PBRM1: variants seen among roughly 807,000 people sequenced by gnomAD.
PBRM1 encodes the protein protein polybromo-1.
A neutral mutation model predicts 194.5 loss-of-function variants in PBRM1; 27 were observed. The observed-to-expected ratio is 0.14, with a 90% CI of 0.10 to 0.19. PBRM1 has a LOEUF of 0.19. PBRM1 is among the 10% of genes least tolerant of loss of function. The pLI is 1.00. For missense variants in PBRM1, 1,466 were observed against 2,077.2 expected, an observed-to-expected ratio of 0.71 and a Z score of 5.72; for synonymous variants, 655 against 693.2, an observed-to-expected ratio of 0.94 and a Z score of 0.87.
At chr3:52,573,209 A>G (rs2088041518) in intron 22 of PBRM1, among the ~76,000 whole-genome samples, 1 of 152,148 alleles carries the variant, frequency 6.6e-6, no homozygotes, top group Non-Finnish European at 1.5e-5. Flanking sequence ...TCTTTCTTCC[A>G]GGGTCATGTT....
intron 3 of PBRM1, among the ~76,000 whole-genome samples, chr3:52,666,568 A>G (rs536453433): frequency 3.5e-4 from 53 of 151,356 alleles, no homozygotes; most frequent in African/African-American, 1.3e-3. Flanking sequence ...AGGGTCAAGT[A>G]TAATTAACCT....
At chr3:52,679,473 A>G (rs1348997331) in intron 1 of PBRM1, 101 bp downstream of exon 2, 1 of 1,048,180 alleles carries the variant, frequency 9.5e-7, no homozygotes, top group African/African-American at 1.6e-5. Context: ...AGAATCTTAA[A>G]AAAGTGGAGA....
chr3:52,634,033 C>T (rs1361429833), intron 11 of PBRM1, among the ~76,000 whole-genome samples: 1 of 152,120 alleles, frequency 6.6e-6, no homozygotes, highest in Non-Finnish European at 1.5e-5. Context: ...TATGCTTATC[C>T]TGGGGTTTCA....
At chr3:52,665,108 T>C (rs1578012024) in intron 3 of PBRM1, among the ~76,000 whole-genome samples, 1 of 152,074 alleles carries the variant, frequency 6.6e-6, no homozygotes, top group South Asian at 2.1e-4. Flanking sequence ...GAATGAAGAA[T>C]AAAGAAAGTA....
chr3:52,589,581 T>C (rs1445000002), intron 17 of PBRM1, among the ~76,000 whole-genome samples: 1 of 152,224 alleles, frequency 6.6e-6, no homozygotes, highest in African/African-American at 2.4e-5. Context: ...AGTACGTATG[T>C]CGTTTCGAAT....
intron 18 of PBRM1, 66 bp downstream of exon 20, chr3:52,589,004 G>T: frequency 8.5e-7 from 1 of 1,176,908 alleles, no homozygotes; most frequent in Non-Finnish European, 1.2e-6. Context: ...TTTCTTCCCT[G>T]AGGAGCAAGG....
upstream of PBRM1, among the ~76,000 whole-genome samples, chr3:52,683,681 G>T (rs2097254233): frequency 1.3e-5 from 2 of 151,874 alleles, no homozygotes; most frequent in Admixed American, 6.6e-5. Flanking sequence ...TAGGCAAGGT[G>T]GTGGCATGCA....
chr3:52,681,709 C>T, upstream of PBRM1: 3 of 1,015,170 alleles, frequency 3.0e-6, no homozygotes, highest in Non-Finnish European at 3.5e-6. Flanking sequence ...TTTACCAGAG[C>T]ACAACCAGCG....
intron 16 of PBRM1, among the ~76,000 whole-genome samples, chr3:52,604,909 G>T (rs191369259): frequency 1.3e-5 from 2 of 151,742 alleles, no homozygotes; most frequent in African/African-American, 4.8e-5. Context: ...AGCCAAGATC[G>T]CGCCGCTGCA....
intron 3 of PBRM1, among the ~76,000 whole-genome samples, chr3:52,664,756 G>A (rs185756910): frequency 3.4e-4 from 51 of 151,630 alleles, no homozygotes; most frequent in African/African-American, 1.2e-3. Flanking sequence ...AAAAAAAAAG[G>A]AAACACAGAC....
At chr3:52,582,706 T>C (rs960433998) in intron 20 of PBRM1, among the ~76,000 whole-genome samples, 9 of 152,108 alleles carry the variant, frequency 5.9e-5, no homozygotes, top group African/African-American at 1.9e-4. Context: ...AATCACATTC[T>C]TTCCCAGCCC....
intron 15 of PBRM1, among the ~76,000 whole-genome samples, chr3:52,614,860 T>TG (rs1389839283): frequency 1.3e-5 from 2 of 152,158 alleles, no homozygotes; most frequent in African/African-American, 4.8e-5. Context: ...CATGAGTCAC[T>TG]GTTCCTGGCC....
intron 25 of PBRM1, among the ~76,000 whole-genome samples, chr3:52,559,109 G>A (rs1193051013): frequency 1.3e-5 from 2 of 152,172 alleles, no homozygotes; most frequent in African/African-American, 4.8e-5. Context: ...AAACACGTAT[G>A]TAGCAATGGA....
chr3:52,642,483 G>C (rs778387772), intron 9 of PBRM1, among the ~76,000 whole-genome samples: 12 of 151,816 alleles, frequency 7.9e-5, no homozygotes, highest in Non-Finnish European at 1.8e-4. Context: ...GGGTGTGGTA[G>C]TAGGCACCTG....
chr3:52,596,082 C>G (rs2153223201), intron 17 of PBRM1, among the ~76,000 whole-genome samples: 1 of 152,206 alleles, frequency 6.6e-6, no homozygotes, highest in South Asian at 2.1e-4. Context: ...AACGTGATTC[C>G]TCCAGTTTTC....
chr3:52,591,511 G>GTTTTTTTTTTTTTTTTT (rs57736913), intron 17 of PBRM1, among the ~76,000 whole-genome samples: 1 of 71,850 alleles, frequency 1.4e-5, no homozygotes, highest in Non-Finnish European at 2.5e-5. Context: ...TTTTGTCTTT[G>GTTTTTTTTTTTTTTTTT]TTTTTTTTTT....
intron 11 of PBRM1, among the ~76,000 whole-genome samples, chr3:52,634,025 T>C (rs897190151): frequency 1.6e-4 from 24 of 152,214 alleles, no homozygotes; most frequent in African/African-American, 5.5e-4. Context: ...GAACTGACTA[T>C]GCTTATCCTG....
intron 17 of PBRM1, among the ~76,000 whole-genome samples, chr3:52,595,846 T>C (rs2093486586): frequency 6.6e-6 from 1 of 152,164 alleles, no homozygotes; most frequent in Non-Finnish European, 1.5e-5. Context: ...GCTAATTTCA[T>C]TATTCTGTAT....
At chr3:52,657,757 A>C (rs764913159) in intron 5 of PBRM1, among the ~76,000 whole-genome samples, 7 of 149,810 alleles carry the variant, frequency 4.7e-5, no homozygotes, top group Non-Finnish European at 7.4e-5. Context: ...GGCGTGAGCC[A>C]CTGCGCCTGG....
Sources: gnomAD v4.1 joint callset for allele counts (sites outside exome capture counted in the v4.1 genomes callset) on GRCh38, gnomAD v4.1.1 for gene constraint, MANE v1.5 for transcripts, NCBI Gene and HGNC (gene_info 2026-07-23, HGNC 2026-07-21) for gene names.